GNB1L: variants seen among roughly 807,000 people sequenced by gnomAD.
The protein encoded by GNB1L is G protein subunit beta 1 like, also known as guanine nucleotide-binding protein subunit beta-like protein 1.
GNB1L carries 20 observed loss-of-function variants against 29.1 expected under a neutral mutation model. That is an observed-to-expected ratio of 0.69 (90% CI 0.48 to 1.00). The LOEUF (loss-of-function observed/expected upper bound fraction) is 1.00, where lower values mean the gene tolerates loss of function less well. Ranked by LOEUF, GNB1L falls within the 50% of genes least tolerant of loss-of-function variation. The pLI is 0.00. For synonymous variants in GNB1L, 193 were observed against 206.5 expected (o/e 0.93, Z 0.56); for missense variants, 421 against 464.9 (o/e 0.91, Z 0.87).
At chr22:19,848,636 AAAACCAGGTC>A (rs1263999455) in intron 2 of GNB1L, 9 of 985,356 alleles carry the variant, frequency 9.1e-6, no homozygotes, top group Non-Finnish European at 9.6e-6. Flanking sequence ...GTTTTAATTA[AAAACCAGGTC>A]ACCTGGACTC....
rs756653478 is a variant in GNB1L at position 19,788,937 on chromosome 22, G to A, written c.756C>T (p.Thr252=). The change falls in exon 8 of 8, where the codon ACC becomes ACT. Residue 252 remains threonine, a synonymous_variant. Transcript: ENST00000329517. ...TCGTGACCTCGGCGATCCCGGGATT[G>A]GTGAGTTCATGAGTCCCACGCACCT... is the stretch of plus-strand genomic sequence containing the variant. ...ALQVRGTHEL[T]NPGIAEVTIR... 8.3e-5 allele frequency: 134 copies of A among 1,609,800 alleles called. 3 individuals carry two copies. In the East Asian group the frequency reaches 3.0e-3, roughly 36 times the overall value.
At chr22:19,815,776 T>G (rs2145877930) in intron 4 of GNB1L, among the ~76,000 whole-genome samples, 1 of 152,232 alleles carries the variant, frequency 6.6e-6, no homozygotes, top group Non-Finnish European at 1.5e-5. Flanking sequence ...GAGACGAGAT[T>G]TCACCATGTT....
intron 2 of GNB1L, chr22:19,851,105 G>A (rs1938083215): frequency 2.0e-6 from 3 of 1,503,864 alleles, no homozygotes; most frequent in Non-Finnish European, 2.7e-6. Context: ...GGACTATGGG[G>A]CGCTCAAGCC....
In GNB1L at chr22:19,838,934, G is replaced by T. The variant is rs149070555; in HGVS notation, c.-21+15509C>A. On this transcript the variant is annotated intron_variant, in intron 2 of 7. Transcript: ENST00000329517. ...GTGAAAACTATAATCTCCTAAAACAGAAAATAACCCAAATGACCATCTATG... is the reference window on the plus strand; with the variant it reads ...GTGAAAACTATAATCTCCTAAAACATAAAATAACCCAAATGACCATCTATG... 1.6e-3 allele frequency among the ~76,000 whole-genome samples: 239 copies of T among 152,282 alleles called. 2 individuals carry two copies. The highest frequency in any genetic ancestry group is 5.5e-3 in the African/African-American group (230 of 41,554).
At chr22:19,801,130 A>G (rs1209935424) in intron 7 of GNB1L, among the ~76,000 whole-genome samples, 1 of 152,200 alleles carries the variant, frequency 6.6e-6, no homozygotes. Flanking sequence ...TGCTTCTGCC[A>G]GTAGTCACCT....
intron 2 of GNB1L, among the ~76,000 whole-genome samples, chr22:19,853,551 C>A (rs923161338): frequency 6.6e-6 from 1 of 152,194 alleles, no homozygotes; most frequent in Admixed American, 6.5e-5. Context: ...GAGCACAAGG[C>A]CTGCACACAC....
chr22:19,823,668 G>A (rs550502941), intron 2 of GNB1L, among the ~76,000 whole-genome samples: 4 of 152,190 alleles, frequency 2.6e-5, no homozygotes, highest in Non-Finnish European at 5.9e-5. Context: ...CCCCTGTGCA[G>A]TCCAGGCACG....
At chr22:19,795,480 G>GCACTCC (rs1937296241) in intron 7 of GNB1L, among the ~76,000 whole-genome samples, 1 of 152,204 alleles carries the variant, frequency 6.6e-6, no homozygotes, top group Non-Finnish European at 1.5e-5. Flanking sequence ...TCCATGTGGT[G>GCACTCC]CACTCCCCGA....
chr22:19,837,662 T>A (rs117555220), intron 2 of GNB1L, among the ~76,000 whole-genome samples: 1 of 152,248 alleles, frequency 6.6e-6, no homozygotes, highest in Non-Finnish European at 1.5e-5. Context: ...GTACAACCCC[T>A]TGGGAACAAA....
chr22:19,820,822 G>A, intron 3 of GNB1L, 99 bp from the exon 4 acceptor site: 1 of 1,407,252 alleles, frequency 7.1e-7, no homozygotes, highest in Non-Finnish European at 9.7e-7. Context: ...CGGGCATCTA[G>A]GCTGGTTGAG....
intron 2 of GNB1L, among the ~76,000 whole-genome samples, 185 bp from the exon 3 acceptor site, chr22:19,821,560 C>T (rs182015538): frequency 6.7e-4 from 102 of 152,298 alleles, no homozygotes; most frequent in African/African-American, 2.3e-3. Context: ...ACAGAGGCAC[C>T]AGTTCCCTGC....
chr22:19,805,105 C>T (rs1000303226), intron 6 of GNB1L, among the ~76,000 whole-genome samples: 1 of 152,160 alleles, frequency 6.6e-6, no homozygotes, highest in Non-Finnish European at 1.5e-5. Flanking sequence ...CACCGAGTTT[C>T]ATCATCTCAG....
intron 7 of GNB1L, among the ~76,000 whole-genome samples, chr22:19,795,638 C>T (rs1937297905): frequency 6.6e-6 from 1 of 152,244 alleles, no homozygotes; most frequent in Admixed American, 6.5e-5. Context: ...ATAACACACC[C>T]CCACCAAGGA....
chr22:19,825,119 A>T (rs540347047), intron 2 of GNB1L, among the ~76,000 whole-genome samples: 1 of 152,328 alleles, frequency 6.6e-6, no homozygotes, highest in South Asian at 2.1e-4. Flanking sequence ...GCACAAGGAC[A>T]GGCCGCACAG....
intron 2 of GNB1L, among the ~76,000 whole-genome samples, chr22:19,842,078 G>T (rs1183710135): frequency 6.6e-6 from 1 of 152,170 alleles, no homozygotes; most frequent in Non-Finnish European, 1.5e-5. Flanking sequence ...AACCAGAAAG[G>T]CACTCCCTGG....
At chr22:19,847,635 G>C in intron 2 of GNB1L, 1 of 836,682 alleles carries the variant, frequency 1.2e-6, no homozygotes, top group Non-Finnish European at 1.4e-6. Flanking sequence ...ACCACCCCTG[G>C]CAAGAGCCTT....
intron 2 of GNB1L, among the ~76,000 whole-genome samples, chr22:19,844,570 C>T (rs2098316450): frequency 6.6e-6 from 1 of 152,224 alleles, no homozygotes; most frequent in African/African-American, 2.4e-5. Flanking sequence ...TCAGCTGAGC[C>T]AAGAGGAAAT....
chr22:19,792,480 T>G lies in GNB1L; in HGVS notation c.733-3520A>C, dbSNP rs1458809869. On this transcript the variant is annotated intron_variant, in intron 7 of 7. Coordinates refer to ENST00000329517, the MANE Select transcript of GNB1L (RefSeq NM_053004.3). ...TGTGAAATGGCCCCGCTATATCAGG[T>G]TGCAGCGGCAGAGAGCCATCCTCTA... 4 of 1,577,750 alleles carry G rather than the reference T, an allele frequency of 2.5e-6. No homozygotes were observed. In the African/African-American group the frequency reaches 5.4e-5, roughly 21 times the overall value.
chr22:19,824,309 T>G (rs1937602199), intron 2 of GNB1L, among the ~76,000 whole-genome samples: 1 of 152,254 alleles, frequency 6.6e-6, no homozygotes, highest in African/African-American at 2.4e-5. Flanking sequence ...TTCCCCTATC[T>G]TGCCTGGCCC....
Sources: gnomAD v4.1 joint callset for allele counts (sites outside exome capture counted in the v4.1 genomes callset) on GRCh38, gnomAD v4.1.1 for gene constraint, MANE v1.5 for transcripts, NCBI Gene and HGNC (gene_info 2026-07-23, HGNC 2026-07-21) for gene names.